Variants in CDK6 observed in about 807,000 individuals in gnomAD.
The protein encoded by CDK6 is cyclin-dependent kinase 6.
CDK6 carries 6 observed loss-of-function variants against 37.1 expected under a neutral mutation model. The ratio of observed to expected loss-of-function variants is 0.16; its 90% CI spans 0.09 to 0.32. CDK6 has a LOEUF of 0.32. Ranked by LOEUF, CDK6 falls within the 10% of genes least tolerant of loss-of-function variation. CDK6 has a pLI of 1.00. For missense variants in CDK6, 224 were observed against 418.9 expected (o/e 0.53, Z 4.06); for synonymous variants, 160 against 161.3 (o/e 0.99, Z 0.06).
At chr7:92,703,595 A>G (rs1387825065) in intron 4 of CDK6, among the ~76,000 whole-genome samples, 3 of 152,208 alleles carry the variant, frequency 2.0e-5, no homozygotes, top group African/African-American at 7.2e-5. Flanking sequence ...TGTGTTATAT[A>G]AAAGAATATC....
intron 5 of CDK6, among the ~76,000 whole-genome samples, chr7:92,641,662 T>A (rs187207105): frequency 1.5e-4 from 23 of 152,306 alleles, no homozygotes; most frequent in African/African-American, 4.3e-4. Context: ...TTATACAGAT[T>A]TTTATAAGAT....
At chr7:92,818,107 T>C (rs1456723377) in intron 2 of CDK6, among the ~76,000 whole-genome samples, 1 of 151,906 alleles carries the variant, frequency 6.6e-6, no homozygotes, top group Non-Finnish European at 1.5e-5. Flanking sequence ...ACTAACAAGC[T>C]GACTCTAAAA....
intron 3 of CDK6, among the ~76,000 whole-genome samples, chr7:92,726,302 A>T (rs930960021): frequency 6.6e-6 from 1 of 152,196 alleles, no homozygotes; most frequent in Non-Finnish European, 1.5e-5. Context: ...AATCCACACC[A>T]CAACATTTAG....
chr7:92,723,931 A>C (rs1585430442), intron 4 of CDK6, among the ~76,000 whole-genome samples: 1 of 150,300 alleles, frequency 6.7e-6, no homozygotes, highest in East Asian at 1.9e-4. Flanking sequence ...AAAAAAAATC[A>C]AACACAAACC....
At chr7:92,804,637 C>T (rs1011928067) in intron 2 of CDK6, among the ~76,000 whole-genome samples, 1 of 152,126 alleles carries the variant, frequency 6.6e-6, no homozygotes. Flanking sequence ...ATGCTGCAGA[C>T]CTTTATAATT....
intron 2 of CDK6, among the ~76,000 whole-genome samples, chr7:92,806,223 C>G (rs547561669): frequency 6.6e-6 from 1 of 152,026 alleles, no homozygotes; most frequent in African/African-American, 2.4e-5. Context: ...GTGAGATAAA[C>G]CTAGATAGTT....
intron 2 of CDK6, among the ~76,000 whole-genome samples, chr7:92,777,095 G>A (rs1438615728): frequency 6.6e-6 from 1 of 152,080 alleles, no homozygotes; most frequent in Non-Finnish European, 1.5e-5. Context: ...TATAAGGAAG[G>A]GGTCCAGTTT....
chr7:92,708,467 C>A (rs901735989), intron 4 of CDK6, among the ~76,000 whole-genome samples: 1 of 152,086 alleles, frequency 6.6e-6, no homozygotes, highest in Non-Finnish European at 1.5e-5. Context: ...AGGGTTTAGT[C>A]ATATAACGAC....
chr7:92,621,115 A>T (rs1038982996), intron 6 of CDK6, among the ~76,000 whole-genome samples: 1 of 152,236 alleles, frequency 6.6e-6, no homozygotes. Context: ...AACAGGGCAC[A>T]AAATCTATAA....
intron 2 of CDK6, among the ~76,000 whole-genome samples, chr7:92,796,674 T>C (rs1344621074): frequency 2.0e-5 from 3 of 152,040 alleles, no homozygotes; most frequent in Admixed American, 6.6e-5. Context: ...GTATCAAAAT[T>C]CAAAAAAAAC....
chr7:92,769,959 CA>C (rs1364294949), intron 3 of CDK6, among the ~76,000 whole-genome samples: 1 of 151,842 alleles, frequency 6.6e-6, no homozygotes, highest in African/African-American at 2.4e-5. Context: ...GAAAAAATAA[CA>C]CAATCATTAA....
intron 2 of CDK6, among the ~76,000 whole-genome samples, chr7:92,813,568 T>A (rs897192425): frequency 2.6e-5 from 4 of 152,114 alleles, no homozygotes; most frequent in African/African-American, 9.7e-5. Flanking sequence ...AACTACCACA[T>A]CAAATGTGAG....
At chr7:92,789,987 A>C (rs1436837273) in intron 2 of CDK6, among the ~76,000 whole-genome samples, 1 of 152,132 alleles carries the variant, frequency 6.6e-6, no homozygotes, top group African/African-American at 2.4e-5. Context: ...ATGACAATCT[A>C]ATCAGCAACA....
At chr7:92,792,271 T>C (rs1252148663) in intron 2 of CDK6, among the ~76,000 whole-genome samples, 1 of 152,156 alleles carries the variant, frequency 6.6e-6, no homozygotes, top group East Asian at 1.9e-4. Flanking sequence ...AGAACTTATT[T>C]TCTACTGTTG....
At chr7:92,672,200 C>G (rs1340990545) in intron 4 of CDK6, among the ~76,000 whole-genome samples, 4 of 121,810 alleles carry the variant, frequency 3.3e-5, no homozygotes, top group South Asian at 2.9e-4. Context: ...TACACACACA[C>G]ACACACACAC....
chr7:92,735,593 G>A (rs1358600231), intron 3 of CDK6, among the ~76,000 whole-genome samples: 5 of 152,162 alleles, frequency 3.3e-5, no homozygotes, highest in African/African-American at 1.2e-4. Context: ...ACTGCCAAGC[G>A]CTATCCAGCT....
intron 2 of CDK6, among the ~76,000 whole-genome samples, chr7:92,779,480 C>T (rs571758845): frequency 2.6e-5 from 4 of 152,304 alleles, no homozygotes; most frequent in Admixed American, 2.6e-4. Flanking sequence ...GTAGAAGTGA[C>T]TCCTCCAGGT....
chr7:92,616,492 G>A (rs776489330), intron 7 of CDK6, among the ~76,000 whole-genome samples: 1 of 152,126 alleles, frequency 6.6e-6, no homozygotes, highest in Non-Finnish European at 1.5e-5. Flanking sequence ...GAGCTAAAGG[G>A]CAAGTGGAAG....
intron 5 of CDK6, among the ~76,000 whole-genome samples, chr7:92,669,801 G>C (rs980981826): frequency 1.3e-5 from 2 of 152,160 alleles, no homozygotes; most frequent in African/African-American, 4.8e-5. Flanking sequence ...CCCATCCCTG[G>C]TCATACTGTC....
Sources: gnomAD v4.1 joint callset for allele counts (sites outside exome capture counted in the v4.1 genomes callset) on GRCh38, gnomAD v4.1.1 for gene constraint, MANE v1.5 for transcripts, NCBI Gene and HGNC (gene_info 2026-07-23, HGNC 2026-07-21) for gene names.